The following ENPP2 variants were observed in gnomAD, a reference collection of about 807,000 sequenced individuals.
The protein encoded by ENPP2 is autotaxin.
In ENPP2, 51 loss-of-function variants were observed where a neutral mutation model predicts 120.2. The observed-to-expected ratio is 0.42, with a 90% CI of 0.34 to 0.54. The LOEUF is 0.54. Among genes scored for constraint, ENPP2 ranks in the 20% least tolerant of loss-of-function variants. The pLI, the probability that ENPP2 is intolerant of heterozygous loss-of-function variation, is 0.04. For synonymous variants in ENPP2, 365 were observed against 366.4 expected, an observed-to-expected ratio of 1.00 and a Z score of 0.04; for missense variants, 920 against 1,066.5, an observed-to-expected ratio of 0.86 and a Z score of 1.91.
intron 15 of ENPP2, 45 bp downstream of exon 15, chr8:119,586,141 G>A: frequency 6.3e-7 from 1 of 1,592,082 alleles, no homozygotes; most frequent in East Asian, 2.2e-5. Context: ...TGCCAAAGGG[G>A]TGGTTGTGGA....
chr8:119,593,921 A>T (rs1055711906), intron 11 of ENPP2, 61 bp from the exon 12 acceptor site: 8 of 948,176 alleles, frequency 8.4e-6, no homozygotes, highest in Non-Finnish European at 1.4e-5. Flanking sequence ...TCAGTCTCTC[A>T]TAGATCTTCT....
At chr8:119,668,849 G>A (rs1340548726) in intron 1 of ENPP2, among the ~76,000 whole-genome samples, 1 of 152,034 alleles carries the variant, frequency 6.6e-6, no homozygotes, top group African/African-American at 2.4e-5. Flanking sequence ...CTAACTTTCT[G>A]TCTCTTCCTC....
chr8:119,627,193 C>T (rs915042478), intron 2 of ENPP2, among the ~76,000 whole-genome samples: 3 of 151,884 alleles, frequency 2.0e-5, no homozygotes, highest in African/African-American at 7.3e-5. Flanking sequence ...AAATTCAGCT[C>T]AAATGTTCCA....
At position 119,557,678 on chromosome 8, in the gene ENPP2, T is replaced by C; in HGVS notation, c.2435A>G (p.Glu812Gly). 6.3e-7 allele frequency: 1 copy of C among 1,575,556 alleles called. No individual in the cohort carries two copies. The highest frequency in any genetic ancestry group is 1.4e-5 in the African/African-American group (1 of 73,182). ...CATGAGTTCTTCTACCCATTTTGAT[T>C]CGTCCTCTGAGCTCTGCAATGGAAA... ...NEESCNSSED[E>G]SKWVEELMKM... The change falls in exon 25 of 25, where the codon GAA (glutamate) becomes GGA (glycine). Residue 812 changes from glutamate to glycine, a missense_variant. By Grantham distance (98) the Glu-to-Gly change is moderately conservative. Transcript: ENST00000075322.
chr8:119,655,357 C>T (rs538423505), intron 1 of ENPP2, among the ~76,000 whole-genome samples: 3 of 152,256 alleles, frequency 2.0e-5, no homozygotes, highest in South Asian at 4.2e-4. Flanking sequence ...AAGAGAATGC[C>T]GGAAGTTCTG....
chr8:119,641,403 T>C (rs1400633272), upstream of ENPP2, among the ~76,000 whole-genome samples: 1 of 152,242 alleles, frequency 6.6e-6, no homozygotes, highest in Non-Finnish European at 1.5e-5. Flanking sequence ...CCAAAACCTT[T>C]TGTAAGAAAA....
At chr8:119,619,118 C>G in intron 5 of ENPP2, 126 bp downstream of exon 5, 1 of 689,798 alleles carries the variant, frequency 1.4e-6, no homozygotes, top group Non-Finnish European at 2.6e-6. Flanking sequence ...CTCCTAAGTA[C>G]TCATAAGTTT....
chr8:119,603,932 T>G (rs1814497447), intron 9 of ENPP2, among the ~76,000 whole-genome samples: 1 of 151,986 alleles, frequency 6.6e-6, no homozygotes, highest in South Asian at 2.1e-4. Flanking sequence ...GCTGGAGGTC[T>G]GAGTAGCCAT....
chr8:119,609,577 T>C (rs1814950445), intron 8 of ENPP2, among the ~76,000 whole-genome samples: 1 of 152,204 alleles, frequency 6.6e-6, no homozygotes, highest in South Asian at 2.1e-4. Context: ...GTTCAGAATG[T>C]GTCCTGGACT....
upstream of ENPP2, among the ~76,000 whole-genome samples, chr8:119,639,310 C>T (rs1587556102): frequency 6.6e-6 from 1 of 152,298 alleles, no homozygotes; most frequent in East Asian, 1.9e-4. Context: ...ACGTTCCTGT[C>T]TTTCCCATCT....
intron 4 of ENPP2, 47 bp from the exon 5 acceptor site, chr8:119,619,351 G>T: frequency 7.8e-7 from 1 of 1,278,470 alleles, no homozygotes; most frequent in Non-Finnish European, 1.1e-6. Context: ...AATTACAAAT[G>T]CCATGCCTTG....
At chr8:119,561,745 C>T (rs546141502) in intron 24 of ENPP2, among the ~76,000 whole-genome samples, 2 of 152,040 alleles carry the variant, frequency 1.3e-5, no homozygotes, top group Non-Finnish European at 2.9e-5. Flanking sequence ...AGTAGCAAAC[C>T]TGATTAGTAA....
At chr8:119,576,664 A>G (rs910004863) in intron 19 of ENPP2, among the ~76,000 whole-genome samples, 1 of 152,234 alleles carries the variant, frequency 6.6e-6, no homozygotes, top group African/African-American at 2.4e-5. Context: ...ATACTTGGCT[A>G]TAGTGCCAGA....
At chr8:119,658,833 A>T (rs1232869720) in intron 1 of ENPP2, among the ~76,000 whole-genome samples, 2 of 152,206 alleles carry the variant, frequency 1.3e-5, no homozygotes, top group African/African-American at 4.8e-5. Flanking sequence ...TTCAACTAAT[A>T]TTGCTTGAAC....
chr8:119,575,474 A>G (rs919204266), intron 19 of ENPP2, among the ~76,000 whole-genome samples: 2 of 152,164 alleles, frequency 1.3e-5, no homozygotes, highest in African/African-American at 4.8e-5. Flanking sequence ...TTTTTTGTTG[A>G]GCAAAGAGTC....
At chr8:119,654,376 TAGAG>T (rs961236553) in intron 1 of ENPP2, among the ~76,000 whole-genome samples, 1 of 143,812 alleles carries the variant, frequency 7.0e-6, no homozygotes, top group East Asian at 2.0e-4. Flanking sequence ...TTATATTATA[TAGAG>T]AGATATATCT....
chr8:119,616,895 A>G (rs1297563053), intron 7 of ENPP2, among the ~76,000 whole-genome samples: 1 of 152,190 alleles, frequency 6.6e-6, no homozygotes, highest in Non-Finnish European at 1.5e-5. Context: ...TAAACAATAG[A>G]CCCTCTGGTA....
intron 1 of ENPP2, among the ~76,000 whole-genome samples, chr8:119,668,841 A>G (rs1232167563): frequency 6.6e-6 from 1 of 152,032 alleles, no homozygotes; most frequent in Non-Finnish European, 1.5e-5. Flanking sequence ...ACTTCTCTCT[A>G]ACTTTCTGTC....
intron 1 of ENPP2, among the ~76,000 whole-genome samples, chr8:119,670,428 T>C (rs563380589): frequency 1.3e-5 from 2 of 152,238 alleles, no homozygotes; most frequent in African/African-American, 4.8e-5. Flanking sequence ...ACATAAATGG[T>C]CATTCACAAA....
Sources: gnomAD v4.1 joint callset for allele counts (sites outside exome capture counted in the v4.1 genomes callset) on GRCh38, gnomAD v4.1.1 for gene constraint, MANE v1.5 for transcripts, NCBI Gene and HGNC (gene_info 2026-07-23, HGNC 2026-07-21) for gene names.